CDH8: variants seen among roughly 807,000 people sequenced by gnomAD.
The protein encoded by CDH8 is cadherin-8.
Under a neutral mutation model 68.1 loss-of-function variants are expected in CDH8, and 17 were observed. The observed-to-expected ratio is 0.25, with a 90% CI of 0.17 to 0.37. The LOEUF (loss-of-function observed/expected upper bound fraction) is 0.37, where lower values mean the gene tolerates loss of function less well. Among genes scored for constraint, CDH8 ranks in the 10% least tolerant of loss-of-function variants. The pLI, the probability that CDH8 is intolerant of heterozygous loss-of-function variation, is 1.00. For missense variants in CDH8, 763 were observed against 999.3 expected, an observed-to-expected ratio of 0.76 and a Z score of 3.19; for synonymous variants, 372 against 365.1, an observed-to-expected ratio of 1.02 and a Z score of -0.21.
At chr16:61,945,684 G>C (rs569589824) in intron 2 of CDH8, among the ~76,000 whole-genome samples, 78 of 152,232 alleles carry the variant, frequency 5.1e-4, no homozygotes, top group African/African-American at 1.8e-3. Context: ...ATCAGCAAAG[G>C]CTGAGGGATT....
At chr16:61,815,100 G>T (rs922846662) in intron 7 of CDH8, among the ~76,000 whole-genome samples, 3 of 152,154 alleles carry the variant, frequency 2.0e-5, no homozygotes, top group Non-Finnish European at 4.4e-5. Context: ...GCACTTGCCT[G>T]ACATCTATCA....
chr16:62,020,554 C>A (rs1510162), intron 2 of CDH8, among the ~76,000 whole-genome samples: 1,968 of 152,098 alleles, frequency 0.013, 42 homozygotes, highest in African/African-American at 0.045. Context: ...TGATTCTGTA[C>A]ATTTGATTTC....
chr16:61,976,007 A>C (rs1397133), intron 2 of CDH8, among the ~76,000 whole-genome samples: 1 of 152,088 alleles, frequency 6.6e-6, no homozygotes, highest in Middle Eastern at 3.2e-3. Context: ...TTCCTTTAAC[A>C]AATGCAGACA....
chr16:61,658,569 A>G (rs549242898), intron 10 of CDH8, among the ~76,000 whole-genome samples: 1 of 152,122 alleles, frequency 6.6e-6, no homozygotes, highest in East Asian at 1.9e-4. Context: ...TTCTTTTAAG[A>G]GGTCTTTATT....
intron 6 of CDH8, among the ~76,000 whole-genome samples, chr16:61,819,443 G>A (rs1962160914): frequency 6.6e-6 from 1 of 152,012 alleles, no homozygotes; most frequent in Non-Finnish European, 1.5e-5. Context: ...CAAGGAAAAT[G>A]TGGCTCTGGG....
intron 7 of CDH8, among the ~76,000 whole-genome samples, chr16:61,813,326 A>C (rs367940954): frequency 4.6e-5 from 7 of 152,340 alleles, no homozygotes; most frequent in African/African-American, 1.7e-4. Context: ...ACCCAAGTGC[A>C]CACCCCAGTT....
chr16:61,724,762 C>A (rs1199073060), intron 9 of CDH8, among the ~76,000 whole-genome samples: 2 of 150,732 alleles, frequency 1.3e-5, no homozygotes, highest in African/African-American at 4.9e-5. Flanking sequence ...TATTCTAGTT[C>A]CATAGTGAGT....
At chr16:61,885,800 G>A (rs998033274) in intron 3 of CDH8, among the ~76,000 whole-genome samples, 5 of 151,656 alleles carry the variant, frequency 3.3e-5, no homozygotes, top group Admixed American at 6.6e-5. Flanking sequence ...AGACATGCTC[G>A]GGAAAGGATT....
intron 8 of CDH8, among the ~76,000 whole-genome samples, chr16:61,751,243 C>T (rs1261948351): frequency 1.3e-5 from 2 of 151,664 alleles, no homozygotes; most frequent in Non-Finnish European, 2.9e-5. Flanking sequence ...TGCAGTTATG[C>T]AACATATGCC....
intron 10 of CDH8, among the ~76,000 whole-genome samples, chr16:61,687,805 C>A (rs17248877): frequency 6.6e-6 from 1 of 151,852 alleles, no homozygotes; most frequent in Non-Finnish European, 1.5e-5. Flanking sequence ...ATTTAACCTA[C>A]GTAATTTCTA....
chr16:61,992,830 C>G (rs919655317), intron 2 of CDH8, among the ~76,000 whole-genome samples: 2 of 152,088 alleles, frequency 1.3e-5, no homozygotes, highest in Non-Finnish European at 2.9e-5. Flanking sequence ...GCTCAGTTGT[C>G]CGGGCTGGAG....
intron 10 of CDH8, among the ~76,000 whole-genome samples, chr16:61,674,957 A>G (rs919164659): frequency 1.3e-5 from 2 of 151,578 alleles, no homozygotes; most frequent in African/African-American, 2.4e-5. Flanking sequence ...AAAAAAAAAA[A>G]CAAAAAAACT....
At chr16:61,683,669 T>C (rs1964052759) in intron 10 of CDH8, among the ~76,000 whole-genome samples, 2 of 152,026 alleles carry the variant, frequency 1.3e-5, no homozygotes, top group African/African-American at 4.8e-5. Context: ...TATTTCATCA[T>C]GCATTGTATT....
intron 4 of CDH8, among the ~76,000 whole-genome samples, chr16:61,839,026 G>C (rs1031977366): frequency 6.6e-6 from 1 of 152,080 alleles, no homozygotes; most frequent in Non-Finnish European, 1.5e-5. Flanking sequence ...CACAGTGCTA[G>C]TAAATGACGT....
At chr16:61,662,760 C>A (rs1963594353) in intron 10 of CDH8, among the ~76,000 whole-genome samples, 1 of 151,680 alleles carries the variant, frequency 6.6e-6, no homozygotes, top group Non-Finnish European at 1.5e-5. Context: ...GTAGGATGTA[C>A]ATAGAGTATG....
chr16:61,875,221 TG>T (rs1035081031), intron 3 of CDH8, among the ~76,000 whole-genome samples: 2 of 152,196 alleles, frequency 1.3e-5, no homozygotes, highest in African/African-American at 4.8e-5. Context: ...GCAAATGTTC[TG>T]GTAACACCTC....
chr16:61,716,722 C>T lies in CDH8; in HGVS notation c.1537-2764G>A, dbSNP rs540973746. 3.3e-5 allele frequency among the ~76,000 whole-genome samples: 5 copies of T among 151,786 alleles called. No homozygotes were observed. The South Asian group carries it at 1.0e-3, about 31-fold the overall frequency. On this transcript the variant is annotated intron_variant, in intron 9 of 11. Transcript: ENST00000577390. ...TTATTACATTTTCTTCCAAATATCC[C>T]ATAAACTGGTTATGATTAAGATTTT...
Position 61,651,449 on chromosome 16 carries a change from A to G in CDH8, c.*2159T>C, listed in dbSNP as rs1451616660. On this transcript the variant is annotated 3_prime_UTR_variant, in exon 12 of 12. Coordinates refer to ENST00000577390, the MANE Select transcript of CDH8 (RefSeq NM_001796.5). ...CCGGATAGTTATAAATTGTTAGTAT[A>G]GTATTTAAACATGCAGTTTCTGTCA... 6.6e-6 allele frequency: 1 copy of G among 152,228 alleles called. No individual in the cohort carries two copies. The highest frequency in any genetic ancestry group is 1.5e-5 in the Non-Finnish European group (1 of 68,044). The allele number at this position is 152,228 out of a possible 1,614,324, so 9.4% of individuals were successfully genotyped here.
intron 7 of CDH8, among the ~76,000 whole-genome samples, chr16:61,797,409 A>G (rs1205912954): frequency 6.6e-6 from 1 of 152,142 alleles, no homozygotes; most frequent in Non-Finnish European, 1.5e-5. Flanking sequence ...ACCATAACAG[A>G]TAAATGAATA....
Sources: gnomAD v4.1 joint callset for allele counts (sites outside exome capture counted in the v4.1 genomes callset) on GRCh38, gnomAD v4.1.1 for gene constraint, MANE v1.5 for transcripts, NCBI Gene and HGNC (gene_info 2026-07-23, HGNC 2026-07-21) for gene names.